SIRPG: variants seen among roughly 807,000 people sequenced by gnomAD.
SIRPG encodes signal regulatory protein gamma, also known as signal-regulatory protein gamma.
A neutral mutation model predicts 35.7 loss-of-function variants in SIRPG; 38 were observed. The ratio of observed to expected loss-of-function variants is 1.06; its 90% CI spans 0.82 to 1.40. The LOEUF is 1.40. Ranked by LOEUF, SIRPG falls within the 40% of genes most tolerant of loss-of-function variation. The pLI is 0.00. For missense variants in SIRPG, 519 were observed against 483.0 expected (o/e 1.07, Z -0.70); for synonymous variants, 215 against 190.4 (o/e 1.13, Z -1.06).
chr20:1,679,520 T>C, the SIRPG span, among the ~76,000 whole-genome samples: 3 of 152,080 alleles, frequency 2.0e-5, no homozygotes, highest in Non-Finnish European at 4.4e-5. Context: ...GGTTCCAATC[T>C]GTCTTGCTTC....
At chr20:1,684,137 A>G in the SIRPG span, among the ~76,000 whole-genome samples, 6 of 152,184 alleles carry the variant, frequency 3.9e-5, no homozygotes, top group Non-Finnish European at 8.8e-5. Flanking sequence ...CATGAATTGT[A>G]TTGTTGAAAA....
chr20:1,648,205 G>C (rs1395809814), intron 2 of SIRPG: 1 of 152,114 alleles, frequency 6.6e-6, no homozygotes, highest in African/African-American at 2.4e-5. Flanking sequence ...CTTTAAATTG[G>C]GCACCCCTGA....
the SIRPG span, among the ~76,000 whole-genome samples, chr20:1,684,744 G>C: frequency 0.033 from 4,995 of 152,312 alleles, 262 homozygotes; most frequent in African/African-American, 0.11. Flanking sequence ...TTGAATCCCA[G>C]CTGCTCCACT....
the SIRPG span, among the ~76,000 whole-genome samples, chr20:1,682,476 T>C: frequency 6.6e-6 from 1 of 152,140 alleles, no homozygotes; most frequent in Non-Finnish European, 1.5e-5. Context: ...TTTTAAGTGA[T>C]AAAAACTGTC....
intron 2 of SIRPG, chr20:1,647,802 GGCTTTA>G (rs1568734179): frequency 6.6e-6 from 1 of 152,176 alleles, no homozygotes; most frequent in Non-Finnish European, 1.5e-5. Flanking sequence ...ATCACCAATG[GGCTTTA>G]GTGTCTGAAT....
chr20:1,668,247 CTTTTTCTT>C, the SIRPG span, among the ~76,000 whole-genome samples: 1 of 55,460 alleles, frequency 1.8e-5, no homozygotes, highest in African/African-American at 6.6e-5. Flanking sequence ...TTCTTTCTTT[CTTTTTCTT>C]TTTCTTTTTC....
At chr20:1,685,428 G>T in the SIRPG span, among the ~76,000 whole-genome samples, 2 of 152,056 alleles carry the variant, frequency 1.3e-5, no homozygotes, top group Non-Finnish European at 2.9e-5. Context: ...AGGAGATGAG[G>T]ACACAGACAC....
intron 4 of SIRPG, among the ~76,000 whole-genome samples, chr20:1,633,261 AC>A (rs1244955886): frequency 2.6e-5 from 4 of 152,134 alleles, no homozygotes; most frequent in African/African-American, 9.7e-5. Context: ...CTTTTAAAAC[AC>A]CCCCAAAAAT....
upstream of SIRPG, among the ~76,000 whole-genome samples, chr20:1,659,883 G>A (rs181850102): frequency 1.8e-3 from 276 of 152,312 alleles, no homozygotes; most frequent in Non-Finnish European, 7.2e-4. Context: ...ATCACATGGG[G>A]AATTATTCCT....
chr20:1,684,018 G>A, the SIRPG span, among the ~76,000 whole-genome samples: 2 of 152,044 alleles, frequency 1.3e-5, no homozygotes, highest in Admixed American at 1.3e-4. Flanking sequence ...CAGGGGCAGG[G>A]GAGGGGGTGT....
intron 5 of SIRPG, 46 bp from the exon 6 acceptor site, chr20:1,629,682 G>A (rs1324115848): frequency 2.0e-5 from 3 of 153,566 alleles, no homozygotes; most frequent in African/African-American, 7.2e-5. Context: ...CATCTTTCAA[G>A]ACATGTTTCC....
At chr20:1,651,522 A>C (rs1217853459) in intron 1 of SIRPG, 1 of 152,084 alleles carries the variant, frequency 6.6e-6, no homozygotes, top group African/African-American at 2.4e-5. Flanking sequence ...CTACCCAGCT[A>C]TGCCTCTCCA....
the SIRPG span, among the ~76,000 whole-genome samples, chr20:1,667,487 T>C: frequency 6.6e-6 from 1 of 152,192 alleles, no homozygotes; most frequent in African/African-American, 2.4e-5. Context: ...CATAGAGTAA[T>C]TTATTGCAAA....
chr20:1,644,406 T>C (rs1225820710), intron 2 of SIRPG, among the ~76,000 whole-genome samples: 2 of 152,228 alleles, frequency 1.3e-5, no homozygotes, highest in African/African-American at 4.8e-5. Context: ...CCATCTAGCC[T>C]CCCTGGCTCC....
chr20:1,678,298 C>T, the SIRPG span, among the ~76,000 whole-genome samples: 1 of 152,102 alleles, frequency 6.6e-6, no homozygotes, highest in Admixed American at 6.5e-5. Flanking sequence ...GTCTTCAACA[C>T]GTTCAAAGAG....
At chr20:1,635,131 G>A (rs1385207469) in intron 4 of SIRPG, 136 bp downstream of exon 4, 7 of 650,956 alleles carry the variant, frequency 1.1e-5, no homozygotes, top group Non-Finnish European at 1.8e-5. Context: ...CTTCGCATGT[G>A]GGATTTGGGG....
chr20:1,668,284 T>C, the SIRPG span, among the ~76,000 whole-genome samples: 2 of 151,136 alleles, frequency 1.3e-5, no homozygotes, highest in Non-Finnish European at 2.9e-5. Flanking sequence ...CTTTCTTTTC[T>C]TTCTTTCTTT....
chr20:1,649,497 C>A, intron 1 of SIRPG, 89 bp from the exon 2 acceptor site: 2 of 1,221,178 alleles, frequency 1.6e-6, no homozygotes, highest in Non-Finnish European at 2.3e-6. Flanking sequence ...TGACTGGGTG[C>A]ACATCAGGAA....
At chr20:1,643,025 G>A (rs2091866429) in intron 2 of SIRPG, among the ~76,000 whole-genome samples, 1 of 152,048 alleles carries the variant, frequency 6.6e-6, no homozygotes, top group Non-Finnish European at 1.5e-5. Flanking sequence ...TTTGACCTTG[G>A]AGAGTCTGAT....
Sources: allele counts gnomAD v4.1 joint callset (sites outside exome capture counted in the v4.1 genomes callset), GRCh38; gene constraint gnomAD v4.1.1; transcripts MANE v1.5; gene names NCBI Gene and HGNC (gene_info 2026-07-23, HGNC 2026-07-21).